The following HECA variants were observed in gnomAD, a reference collection of about 807,000 sequenced individuals.
HECA encodes the protein HECA ribonucleoprotein granule regulator, also known as headcase protein homolog.
A neutral mutation model predicts 37.6 loss-of-function variants in HECA; 13 were observed. The ratio of observed to expected loss-of-function variants is 0.35; its 90% CI spans 0.23 to 0.55. HECA has a LOEUF of 0.55. Ranked by LOEUF, HECA falls within the 20% of genes least tolerant of loss-of-function variation. The pLI is 0.90. For synonymous variants in HECA, 307 were observed against 291.5 expected (o/e 1.05, Z -0.54); for missense variants, 527 against 701.9 (o/e 0.75, Z 2.82).
At chr6:139,148,973 G>T (rs1233470993) in intron 1 of HECA, among the ~76,000 whole-genome samples, 1 of 152,040 alleles carries the variant, frequency 6.6e-6, no homozygotes, top group African/African-American at 2.4e-5. Context: ...ACTTGTAATT[G>T]CCTCTTCTCA....
intron 1 of HECA, chr6:139,150,998 T>G (rs909888515): frequency 3.3e-5 from 5 of 152,208 alleles, no homozygotes; most frequent in African/African-American, 9.6e-5. Context: ...TACTTTTTCA[T>G]TTTTACTGAG....
At chr6:139,163,720 A>G (rs72980673) in intron 1 of HECA, among the ~76,000 whole-genome samples, 7,139 of 151,970 alleles carry the variant, frequency 0.047, 175 homozygotes, top group African/African-American at 0.065. Context: ...TTTCTTACCA[A>G]TCTCTGCAGG....
At chr6:139,159,300 A>G (rs574700884) in intron 1 of HECA, 1 of 152,266 alleles carries the variant, frequency 6.6e-6, no homozygotes, top group Non-Finnish European at 1.5e-5. Flanking sequence ...TAAGAGGACC[A>G]TGCTCTCTGC....
At chr6:139,160,328 C>T (rs1425965947) in intron 1 of HECA, among the ~76,000 whole-genome samples, 1 of 152,164 alleles carries the variant, frequency 6.6e-6, no homozygotes, top group Non-Finnish European at 1.5e-5. Context: ...TAGATTAATG[C>T]GCCAAGGGAA....
intron 1 of HECA, among the ~76,000 whole-genome samples, chr6:139,140,586 G>A (rs1235841988): frequency 2.0e-5 from 3 of 152,158 alleles, no homozygotes; most frequent in African/African-American, 7.2e-5. Context: ...AACCTTCAAT[G>A]TCAATTTTCC....
In HECA at chr6:139,177,562, T is replaced by C. The variant is rs1775068673; in HGVS notation, c.*457T>C. ...CTGTGCCTGGAGAGCTAATAGTGCA[T>C]TAGTCTATCTCAGCCTAGTGTTCTG... On this transcript the variant is annotated 3_prime_UTR_variant, in exon 4 of 4. Transcript: ENST00000367658. The surrounding 1 kb of genome is among the most constrained non-coding windows in gnomAD (Gnocchi z 4.9). The C allele has an allele frequency of 1.3e-5, 2 of 154,122 alleles. 1 individual carries two copies. Among genetic ancestry groups the C allele is most frequent in the South Asian group, 4.1e-4 (2 of 4,936 alleles). The allele number at this position is 154,122 out of a possible 1,614,324, so 9.5% of individuals were successfully genotyped here. A position where few individuals can be genotyped will look rare whatever the true frequency, so the allele number is the denominator to read the frequency against.
rs1774425066 is a variant in HECA, at chr6:139,135,678, G to A, written c.271+11G>A. The A allele has an allele frequency of 3.1e-6, 3 of 981,184 alleles. No homozygotes were observed. The highest frequency in any genetic ancestry group is 1.0e-4 in the East Asian group (1 of 9,964). The allele number at this position is 981,184 out of a possible 1,614,324, so 60.8% of individuals were successfully genotyped here. ...GCGATGCCAAAAACGGTAAGACGGGGCTGGCGGGGCGAGCGCCAACTTCCT... is the reference window on the plus strand; with the variant it reads ...GCGATGCCAAAAACGGTAAGACGGGACTGGCGGGGCGAGCGCCAACTTCCT... On this transcript the variant is annotated intron_variant, in intron 1 of 3. Transcript: ENST00000367658.
chr6:139,176,215 C>CT lies in HECA; in HGVS notation c.1468-723dup, dbSNP rs1775050207. ...AGCCTTGCTGCTTTCTAACCATGGT[C>CT]TTTGGCATGGTGCTTTATCACATGT... On this transcript the variant is annotated intron_variant, in intron 3 of 3. Coordinates refer to ENST00000367658, the MANE Select transcript of HECA (RefSeq NM_016217.3). The surrounding 1 kb of genome is among the most constrained non-coding windows in gnomAD (Gnocchi z 4.5). 6.6e-6 allele frequency among the ~76,000 whole-genome samples: 1 copy of CT among 152,204 alleles called. No individual in the cohort carries two copies. Among genetic ancestry groups the CT allele is most frequent in the Non-Finnish European group, 1.5e-5 (1 of 68,042 alleles).
intron 1 of HECA, among the ~76,000 whole-genome samples, chr6:139,139,453 A>C (rs1329274650): frequency 6.6e-6 from 1 of 152,248 alleles, no homozygotes; most frequent in Non-Finnish European, 1.5e-5. Context: ...CTTACGAAGT[A>C]TTAGCTGTTT....
In HECA at chr6:139,167,223, C is replaced by T. The variant is rs142228127; in HGVS notation, c.1211C>T (p.Ala404Val). Residue 404 changes from alanine to valine, a missense_variant, in exon 2 of 4, where the codon GCG becomes GTG. By Grantham distance (64) the Ala-to-Val change is moderately conservative. Transcript: ENST00000367658. The stretch of plus-strand genomic sequence containing the variant: ...GTAAACTGTGCCCTGTGCCACCGGG[C>T]GCTCCCGGTGTTCGAACAGTTCCCA... ...NVVNCALCHR[A>V]LPVFEQFPLV... 15 of 1,614,042 alleles carry T rather than the reference C, an allele frequency of 9.3e-6. No individual in the cohort carries two copies. The African/African-American group carries it at 9.3e-5, about 10-fold the overall frequency.
chr6:139,143,859 C>CAAAAAA (rs59382752), intron 1 of HECA, among the ~76,000 whole-genome samples: 1 of 135,418 alleles, frequency 7.4e-6, no homozygotes. Context: ...GACTCTGTCT[C>CAAAAAA]AAAAAAAAAA....
rs183192657 is a variant in HECA at position 139,143,731 on chromosome 6, C to A, written c.271+8064C>A. ...GAATAATTAGCTGGATGTGGTGGCA[C>A]GTGCCTGTAATCCCAGCTACTCGGG... is the stretch of plus-strand genomic sequence containing the variant. On this transcript the variant is annotated intron_variant, in intron 1 of 3. Coordinates refer to ENST00000367658, the MANE Select transcript of HECA (RefSeq NM_016217.3). Among the ~76,000 whole-genome samples the A allele has an allele frequency of 3.7e-3, 558 of 151,922 alleles. 14 individuals are homozygous for A. Among genetic ancestry groups the A allele is most frequent in the Admixed American group, 0.034 (518 of 15,262 alleles).
intron 1 of HECA, among the ~76,000 whole-genome samples, chr6:139,147,270 A>C (rs1774595992): frequency 6.6e-6 from 1 of 152,142 alleles, no homozygotes; most frequent in Non-Finnish European, 1.5e-5. Context: ...AGAGGACTGA[A>C]ATTCAGTGTA....
In HECA at chr6:139,143,875, AAAAG is replaced by A. The variant is rs1306095849; in HGVS notation, c.271+8220_271+8223del. 1.0e-4 allele frequency among the ~76,000 whole-genome samples: 15 copies of A among 150,084 alleles called. No homozygotes were observed. The South Asian group carries it at 1.1e-3, about 11-fold the overall frequency. ...ACTCTGTCTCAAAAAAAAAAAAAAA[AAAAG>A]AAAGAAAGAAATGCAAGTAAGTTAT... On this transcript the variant is annotated intron_variant, in intron 1 of 3. Transcript: ENST00000367658.
chr6:139,156,207 CT>C (rs952386301), intron 1 of HECA, among the ~76,000 whole-genome samples: 3 of 148,670 alleles, frequency 2.0e-5, no homozygotes, highest in African/African-American at 2.5e-5. Context: ...ATAGCTTTTT[CT>C]TTTTTTTTTC....
In HECA at chr6:139,180,465, G is replaced by C. The variant is rs1464367849; in HGVS notation, c.*3360G>C. 6.6e-6 allele frequency: 1 copy of C among 152,588 alleles called. No individual in the cohort carries two copies. Among genetic ancestry groups the C allele is most frequent in the Admixed American group, 6.5e-5 (1 of 15,282 alleles). The allele number at this position is 152,588 out of a possible 1,614,324, so 9.5% of individuals were successfully genotyped here. A position where few individuals can be genotyped will look rare whatever the true frequency, so the allele number is the denominator to read the frequency against. ...AGTAACTTTCATTGGAGGTTGGGAA[G>C]GAAGTGAGGAGAAAGTGTTCTTGTT... On this transcript the variant is annotated 3_prime_UTR_variant, in exon 4 of 4. Transcript: ENST00000367658.
chr6:139,141,261 G>T (rs1774509453), intron 1 of HECA, among the ~76,000 whole-genome samples: 1 of 152,186 alleles, frequency 6.6e-6, no homozygotes, highest in South Asian at 2.1e-4. Flanking sequence ...ATATGTTCTT[G>T]CAGCCTTAAA....
Position 139,166,923 on chromosome 6 carries a change from T to C in HECA, c.911T>C (p.Leu304Pro). ...LGEFLKNAIH[L>P]EPHKKAMAGG... is the part of the protein sequence containing the mutation. ...GAGTTCTTAAAGAACGCCATCCATC[T>C]GGAGCCTCACAAGAAGGCCATGGCT... Residue 304 changes from leucine to proline, a missense_variant, in exon 2 of 4, where the codon CTG (leucine) becomes CCG (proline). Leu to Pro is a moderately conservative substitution (Grantham distance 98, BLOSUM62 -3). This residue lies in a region of HECA where 228 missense variants were observed against 259.8 expected (regional missense o/e 0.88). Transcript: ENST00000367658. 1 of 1,614,126 alleles carries C rather than the reference T, an allele frequency of 6.2e-7. No homozygotes were observed. Among genetic ancestry groups the C allele is most frequent in the Non-Finnish European group, 8.5e-7 (1 of 1,180,006 alleles).
At chr6:139,153,809 TA>T (rs1774681907) in intron 1 of HECA, among the ~76,000 whole-genome samples, 1 of 152,244 alleles carries the variant, frequency 6.6e-6, no homozygotes, top group African/African-American at 2.4e-5. Context: ...TTGTCCTGCT[TA>T]GAAGTATTTT....
Sources: allele counts gnomAD v4.1 joint callset (sites outside exome capture counted in the v4.1 genomes callset), GRCh38; gene constraint gnomAD v4.1.1; regional missense constraint gnomAD v4.1.1; non-coding constraint Gnocchi (gnomAD v3.1); transcripts MANE v1.5; gene names NCBI Gene and HGNC (gene_info 2026-07-23, HGNC 2026-07-21).